The following INTS7 variants were observed in gnomAD, a reference collection of about 807,000 sequenced individuals.
The protein encoded by INTS7 is integrator complex subunit 7, also known as chromosome 1 open reading frame 73.
Under a neutral mutation model 109.2 loss-of-function variants are expected in INTS7, and 46 were observed. That is an observed-to-expected ratio of 0.42 (90% CI 0.33 to 0.54). INTS7 has a LOEUF of 0.54. Ranked by LOEUF, INTS7 falls within the 20% of genes least tolerant of loss-of-function variation. The probability of loss-of-function intolerance (pLI) is 0.07; values close to 1 mark genes in which losing one functional copy is unlikely to be tolerated. For synonymous variants in INTS7, 412 were observed against 402.9 expected (o/e 1.02, Z -0.27); for missense variants, 929 against 1,132.4 (o/e 0.82, Z 2.58).
Position 211,942,069 on chromosome 1 carries a change from C to T in INTS7, c.2644G>A (p.Glu882Lys). Residue 882 changes from glutamate to lysine, a missense_variant, in exon 20 of 20, where the codon GAA (glutamate) becomes AAA (lysine). This residue lies in a region of INTS7 where 787 missense variants were observed against 901.1 expected (regional missense o/e 0.87). Coordinates refer to ENST00000366994, the MANE Select transcript of INTS7 (RefSeq NM_015434.4). This position sits in a 1 kb window ranked among gnomAD's most constrained non-coding sequence, Gnocchi z 4.2. ...GTACTGAAGTAATCATTATGAGGTT[C>T]AACCCTTTGCTCCATCTCATTGGTC... ...NMTNEMEQRV[E>K]PHNDYFSTQF... 1.2e-6 allele frequency: 2 copies of T among 1,614,136 alleles called. No individual in the cohort carries two copies. The highest frequency in any genetic ancestry group is 1.7e-6 in the Non-Finnish European group (2 of 1,180,000).
intron 16 of INTS7, among the ~76,000 whole-genome samples, chr1:211,963,132 TAAAG>T (rs1663717848): frequency 2.0e-5 from 3 of 152,082 alleles, no homozygotes; most frequent in East Asian, 3.9e-4. Context: ...GCTAGACTAA[TAAAG>T]AGAGAAGATC....
chr1:211,991,847 G>C (rs1187914719), intron 7 of INTS7, among the ~76,000 whole-genome samples: 3 of 152,206 alleles, frequency 2.0e-5, no homozygotes, highest in Non-Finnish European at 4.4e-5. Flanking sequence ...AGAAGGTGCA[G>C]GTTAGGTAGT....
chr1:211,980,028 T>C (rs1420452591), intron 10 of INTS7, among the ~76,000 whole-genome samples: 1 of 152,190 alleles, frequency 6.6e-6, no homozygotes, highest in Non-Finnish European at 1.5e-5. Flanking sequence ...CATCTATGTA[T>C]GTCCCACTGT....
intron 8 of INTS7, among the ~76,000 whole-genome samples, chr1:211,986,471 G>C (rs189922884): frequency 3.0e-4 from 46 of 151,988 alleles, no homozygotes; most frequent in African/African-American, 1.0e-3. Context: ...AAAACTAATA[G>C]AAAAACAAGG....
intron 7 of INTS7, among the ~76,000 whole-genome samples, chr1:212,003,694 TA>T (rs1471466384): frequency 6.6e-6 from 1 of 152,194 alleles, no homozygotes; most frequent in Non-Finnish European, 1.5e-5. Context: ...CATAAAAGTG[TA>T]GAGTGATGAA....
chr1:211,942,040 T>C lies in INTS7; in HGVS notation c.2673A>G (p.Gln891=), dbSNP rs757942377. 9.3e-6 allele frequency: 15 copies of C among 1,614,064 alleles called. No individual in the cohort carries two copies. The African/African-American group carries it at 2.0e-4, about 22-fold the overall frequency. ...CAAGGATAGCAAAGTTCAACAGAAATTGAGTACTGAAGTAATCATTATGAG... is the reference window on the plus strand; with the variant it reads ...CAAGGATAGCAAAGTTCAACAGAAACTGAGTACTGAAGTAATCATTATGAG... ...VEPHNDYFST[Q]FLLNFAILGT... is the part of the protein sequence containing the mutation. The change falls in exon 20 of 20, where the codon CAA becomes CAG. Residue 891 remains glutamine, a synonymous_variant. Coordinates refer to ENST00000366994, the MANE Select transcript of INTS7 (RefSeq NM_015434.4). This position sits in a 1 kb window ranked among gnomAD's most constrained non-coding sequence, Gnocchi z 4.2.
chr1:211,990,800 A>C (rs1054819053), intron 7 of INTS7, among the ~76,000 whole-genome samples: 1 of 152,230 alleles, frequency 6.6e-6, no homozygotes, highest in African/African-American at 2.4e-5. Flanking sequence ...GGGGGGGATT[A>C]GGCCAGATGA....
intron 1 of INTS7, among the ~76,000 whole-genome samples, chr1:212,022,524 T>C (rs1380663904): frequency 7.6e-6 from 1 of 132,162 alleles, no homozygotes; most frequent in East Asian, 2.5e-4. Flanking sequence ...ATGGCAAATA[T>C]AAGCACATGA....
At chr1:211,956,349 G>A (rs556199064) in intron 16 of INTS7, among the ~76,000 whole-genome samples, 51 of 152,220 alleles carry the variant, frequency 3.4e-4, no homozygotes, top group Non-Finnish European at 6.8e-4. Context: ...GCAATATGGC[G>A]AAGTACTTAA....
intron 7 of INTS7, among the ~76,000 whole-genome samples, chr1:211,991,728 A>G (rs1182472766): frequency 6.6e-6 from 1 of 152,232 alleles, no homozygotes; most frequent in Admixed American, 6.5e-5. Context: ...AGATTGTTGG[A>G]GGCCCTGCAA....
chr1:211,959,520 G>A lies in INTS7; in HGVS notation c.2184-6819C>T, dbSNP rs1345637203. On this transcript the variant is annotated intron_variant, in intron 16 of 19. Transcript: ENST00000366994. The surrounding 1 kb of genome is among the most constrained non-coding windows in gnomAD (Gnocchi z 4.2). ...CCTCCCCGTACTGGCAGCTTTCCCT[G>A]GGCCCATGGCCACCCTCGACATTGC... is the stretch of plus-strand genomic sequence containing the variant. 2.0e-5 allele frequency among the ~76,000 whole-genome samples: 3 copies of A among 152,156 alleles called. No homozygotes were observed. The highest frequency in any genetic ancestry group is 7.2e-5 in the African/African-American group (3 of 41,434).
At chr1:211,954,617 C>T (rs1663277807) in intron 16 of INTS7, among the ~76,000 whole-genome samples, 2 of 152,190 alleles carry the variant, frequency 1.3e-5, no homozygotes, top group African/African-American at 4.8e-5. Context: ...CTACATATGG[C>T]TAACCAGTTT....
At chr1:211,954,475 C>T (rs1048895153) in intron 16 of INTS7, among the ~76,000 whole-genome samples, 4 of 152,132 alleles carry the variant, frequency 2.6e-5, no homozygotes, top group Non-Finnish European at 5.9e-5. Context: ...CTTGCCCATG[C>T]CTATGTCCTG....
At chr1:211,980,313 T>C (rs1664604601) in intron 10 of INTS7, among the ~76,000 whole-genome samples, 1 of 152,204 alleles carries the variant, frequency 6.6e-6, no homozygotes, top group Non-Finnish European at 1.5e-5. Context: ...TTAGACAAGC[T>C]AACGCCAATG....
rs755081048 is a variant in INTS7 at position 212,020,105 on chromosome 1, T to C, written c.371+17A>G. On this transcript the variant is annotated intron_variant, in intron 3 of 19. Transcript: ENST00000366994. Reference sequence around the variant, plus strand: ...TTCAAATAATCTCATAGTGAATTATTATAATACGGTATATACCGGAGGGTG... The same window carrying C: ...TTCAAATAATCTCATAGTGAATTATCATAATACGGTATATACCGGAGGGTG... The C allele has an allele frequency of 6.6e-7, 1 of 1,517,924 alleles. No individual in the cohort carries two copies. Among genetic ancestry groups the C allele is most frequent in the Non-Finnish European group, 8.9e-7 (1 of 1,126,826 alleles). The allele number at this position is 1,517,924 out of a possible 1,614,324, so 94.0% of individuals were successfully genotyped here.
At chr1:212,034,918 A>C (rs918414043) in intron 1 of INTS7, among the ~76,000 whole-genome samples, 1 of 152,196 alleles carries the variant, frequency 6.6e-6, no homozygotes, top group Admixed American at 6.5e-5. Context: ...CAGGTAACAG[A>C]GCTATGGAAA....
intron 1 of INTS7, among the ~76,000 whole-genome samples, chr1:212,025,068 GA>G (rs1448073932): frequency 1.3e-5 from 2 of 152,236 alleles, no homozygotes; most frequent in Admixed American, 6.5e-5. Context: ...TTCCCTGTGA[GA>G]TGTGTTCTTG....
At chr1:212,017,082 G>A in intron 3 of INTS7, 59 bp from the exon 4 acceptor site, 1 of 1,428,050 alleles carries the variant, frequency 7.0e-7, no homozygotes, top group Non-Finnish European at 9.4e-7. Context: ...GGTCAGAAAA[G>A]TAAGAGGCAA....
intron 1 of INTS7, among the ~76,000 whole-genome samples, chr1:212,026,693 T>C (rs1666937193): frequency 6.6e-6 from 1 of 152,188 alleles, no homozygotes; most frequent in African/African-American, 2.4e-5. Flanking sequence ...TACGTATATG[T>C]GTTGGCAAAG....
Sources: allele counts gnomAD v4.1 joint callset (sites outside exome capture counted in the v4.1 genomes callset), GRCh38; gene constraint gnomAD v4.1.1; regional missense constraint gnomAD v4.1.1; non-coding constraint Gnocchi (gnomAD v3.1); transcripts MANE v1.5; gene names NCBI Gene and HGNC (gene_info 2026-07-23, HGNC 2026-07-21).